Variants in DOCK8 observed in about 807,000 individuals in gnomAD.
DOCK8 encodes the protein dedicator of cytokinesis protein 8.
Under a neutral mutation model 245.6 loss-of-function variants are expected in DOCK8, and 141 were observed. That is an observed-to-expected ratio of 0.57 (90% CI 0.50 to 0.66). DOCK8 has a LOEUF of 0.66. DOCK8 is among the 30% of genes least tolerant of loss of function. The pLI is 0.00. For synonymous variants in DOCK8, 1,168 were observed against 970.2 expected, an observed-to-expected ratio of 1.20 and a Z score of -3.79; for missense variants, 2,965 against 2,603.4, an observed-to-expected ratio of 1.14 and a Z score of -3.02.
upstream of DOCK8, among the ~76,000 whole-genome samples, chr9:212,137 T>C (rs895113555): frequency 6.6e-6 from 1 of 152,190 alleles, no homozygotes; most frequent in African/African-American, 2.4e-5. Context: ...GTTAATGTTA[T>C]TATTTAATGG....
At chr9:371,102 C>T (rs977818457) in intron 16 of DOCK8, among the ~76,000 whole-genome samples, 2 of 152,112 alleles carry the variant, frequency 1.3e-5, no homozygotes, top group Admixed American at 6.5e-5. Flanking sequence ...AAAAGGAGGT[C>T]ACAGCAGGAG....
At chr9:353,831 G>T (rs1435530026) in intron 14 of DOCK8, among the ~76,000 whole-genome samples, 3 of 152,094 alleles carry the variant, frequency 2.0e-5, no homozygotes, top group Non-Finnish European at 4.4e-5. Flanking sequence ...GTGCTTTGGG[G>T]GAAAAGGAAG....
intron 28 of DOCK8, among the ~76,000 whole-genome samples, chr9:411,503 C>G (rs746998534): frequency 3.3e-5 from 5 of 152,010 alleles, no homozygotes; most frequent in Non-Finnish European, 5.9e-5. Context: ...ATGAATTCTA[C>G]CAAATATTTT....
At chr9:211,765 G>A (rs1395921970), upstream of DOCK8, among the ~76,000 whole-genome samples, 1 of 152,104 alleles carries the variant, frequency 6.6e-6, no homozygotes, top group East Asian at 1.9e-4. Context: ...CAAAGACCGT[G>A]TGACTTACTC....
intron 4 of DOCK8, among the ~76,000 whole-genome samples, chr9:291,999 G>A (rs373512808): frequency 2.1e-5 from 3 of 142,696 alleles, no homozygotes; most frequent in Non-Finnish European, 4.5e-5. Flanking sequence ...GAGCCCAGGA[G>A]GTCAAGGCTG....
chr9:336,436 A>G (rs1014241045), intron 11 of DOCK8, 146 bp from the exon 12 acceptor site: 13 of 1,125,564 alleles, frequency 1.2e-5, no homozygotes, highest in Middle Eastern at 2.1e-4. Context: ...GTAGGGGCCA[A>G]TGGAAGGACA....
At chr9:231,143 A>T (rs549216177) in intron 1 of DOCK8, among the ~76,000 whole-genome samples, 2 of 151,768 alleles carry the variant, frequency 1.3e-5, no homozygotes, top group Admixed American at 6.6e-5. Flanking sequence ...TCCCAGCACC[A>T]TTTATTAAAT....
chr9:273,545 G>A (rs2048225899), intron 2 of DOCK8, among the ~76,000 whole-genome samples: 1 of 152,146 alleles, frequency 6.6e-6, no homozygotes, highest in South Asian at 2.1e-4. Context: ...AGGGTTTAGT[G>A]CTTTGCTTTT....
intron 6 of DOCK8, among the ~76,000 whole-genome samples, chr9:315,084 C>T (rs900665478): frequency 6.6e-6 from 1 of 152,116 alleles, no homozygotes; most frequent in Non-Finnish European, 1.5e-5. Flanking sequence ...CAGAACCCAA[C>T]TAAAACCAAT....
chr9:419,590 T>C (rs1376053769), intron 30 of DOCK8, among the ~76,000 whole-genome samples: 1 of 152,180 alleles, frequency 6.6e-6, no homozygotes, highest in Admixed American at 6.5e-5. Context: ...CTCTATTATT[T>C]CCATCCAAAA....
At chr9:374,188 T>C (rs753806537) in intron 18 of DOCK8, among the ~76,000 whole-genome samples, 3 of 152,228 alleles carry the variant, frequency 2.0e-5, no homozygotes, top group Non-Finnish European at 4.4e-5. Flanking sequence ...GCTGTGTTTA[T>C]AGATATACCC....
At chr9:303,747 C>A (rs2049672489) in intron 4 of DOCK8, among the ~76,000 whole-genome samples, 1 of 152,108 alleles carries the variant, frequency 6.6e-6, no homozygotes, top group Admixed American at 6.6e-5. Flanking sequence ...AAGTGACATG[C>A]AATTTACCCA....
chr9:432,419 A>T, intron 37 of DOCK8, 95 bp downstream of exon 37: 2 of 1,175,070 alleles, frequency 1.7e-6, no homozygotes, highest in Non-Finnish European at 2.5e-6. Flanking sequence ...ATTTATATAT[A>T]AATATATAAC....
intron 22 of DOCK8, among the ~76,000 whole-genome samples, chr9:384,474 C>T (rs1444397393): frequency 6.6e-6 from 1 of 152,212 alleles, no homozygotes; most frequent in Non-Finnish European, 1.5e-5. Flanking sequence ...AGGAAATCTG[C>T]AGGCCAGGGT....
intron 11 of DOCK8, among the ~76,000 whole-genome samples, chr9:334,847 C>T (rs1273914610): frequency 1.3e-5 from 2 of 152,054 alleles, no homozygotes; most frequent in Non-Finnish European, 2.9e-5. Flanking sequence ...TTTGGGAGGC[C>T]GAGGTAGGCG....
In DOCK8 at chr9:289,140, T is replaced by TA. The variant is rs577749928; in HGVS notation, c.333-364dup. On this transcript the variant is annotated intron_variant, in intron 3 of 47. Transcript: ENST00000432829. The stretch of plus-strand genomic sequence containing the variant: ...GTGTCCTAACAAGGTTACACATGCA[T>TA]AAAAAATATGTCCAAATTACCCTGT... Among the ~76,000 whole-genome samples the TA allele has an allele frequency of 6.0e-3, 912 of 152,318 alleles. 8 individuals are homozygous for TA. Among genetic ancestry groups the TA allele is most frequent in the Non-Finnish European group, 7.7e-3 (523 of 68,018 alleles).
intron 46 of DOCK8, among the ~76,000 whole-genome samples, chr9:455,767 A>AAAAT (rs35619420): frequency 0.059 from 8,925 of 151,616 alleles, 298 homozygotes; most frequent in Middle Eastern, 0.085. Context: ...TTCCTCCCAA[A>AAAAT]AAATAAATAA....
At chr9:404,789 A>T (rs1467554292) in intron 26 of DOCK8, 129 bp from the exon 27 acceptor site, 7 of 931,922 alleles carry the variant, frequency 7.5e-6, no homozygotes, top group Admixed American at 4.0e-5. Context: ...CATCTGTTGC[A>T]CTATCCCATT....
At chr9:424,432 C>G (rs537933187) in intron 33 of DOCK8, among the ~76,000 whole-genome samples, 1 of 150,970 alleles carries the variant, frequency 6.6e-6, no homozygotes. Flanking sequence ...TTTTTTGAGA[C>G]AAGGTCTCAC....
Sources: allele counts gnomAD v4.1 joint callset (sites outside exome capture counted in the v4.1 genomes callset), GRCh38; gene constraint gnomAD v4.1.1; transcripts MANE v1.5; gene names NCBI Gene and HGNC (gene_info 2026-07-23, HGNC 2026-07-21).